Variants in SMAD2 observed in about 807,000 individuals in gnomAD.
SMAD2 encodes the protein SMAD family member 2, also known as MAD homolog 2.
A neutral mutation model predicts 64.4 loss-of-function variants in SMAD2; 8 were observed. The ratio of observed to expected loss-of-function variants is 0.12; its 90% CI spans 0.07 to 0.22. The LOEUF (loss-of-function observed/expected upper bound fraction) is 0.22, where lower values mean the gene tolerates loss of function less well. Among genes scored for constraint, SMAD2 ranks in the 10% least tolerant of loss-of-function variants. The probability of loss-of-function intolerance (pLI) is 1.00; values close to 1 mark genes in which losing one functional copy is unlikely to be tolerated. For synonymous variants in SMAD2, 203 were observed against 195.8 expected, an observed-to-expected ratio of 1.04 and a Z score of -0.31; for missense variants, 289 against 561.2, an observed-to-expected ratio of 0.51 and a Z score of 4.90.
rs1396194033 is a variant in SMAD2 at position 47,850,384 on chromosome 18, ATATAATATATAT to A, written c.784+878_784+889del. ...ATGTATAATATATATTATATATATTATATAATATATATTATATATTATGTATAATATATATAA... is the reference window on the plus strand; with the variant it reads ...ATGTATAATATATATTATATATATTATATATATTATGTATAATATATATAA... On this transcript the variant is annotated intron_variant, in intron 7 of 10. Coordinates refer to ENST00000262160, the MANE Select transcript of SMAD2 (RefSeq NM_005901.6). Among the ~76,000 whole-genome samples the A allele has an allele frequency of 1.3e-3, 29 of 22,176 alleles. 5 individuals carry two copies. Among genetic ancestry groups the A allele is most frequent in the African/African-American group, 1.6e-3 (5 of 3,048 alleles). The allele number at this position is 22,176 out of a possible 152,430, so 14.5% of individuals were successfully genotyped here. A position where few individuals can be genotyped will look rare whatever the true frequency, so the allele number is the denominator to read the frequency against.
chr18:47,869,191 G>T (rs2030518425), intron 4 of SMAD2, 52 bp downstream of exon 4: 1 of 1,321,796 alleles, frequency 7.6e-7, no homozygotes, highest in Non-Finnish European at 1.1e-6. Context: ...TAAATATACT[G>T]AAGTTCAGGC....
intron 1 of SMAD2, among the ~76,000 whole-genome samples, chr18:47,900,084 G>A (rs948408906): frequency 6.6e-6 from 1 of 152,018 alleles, no homozygotes; most frequent in Non-Finnish European, 1.5e-5. Context: ...CTATAAAAAT[G>A]TAATATGAGC....
chr18:47,876,596 C>CT (rs1290561950), intron 2 of SMAD2, among the ~76,000 whole-genome samples: 2 of 151,968 alleles, frequency 1.3e-5, no homozygotes, highest in Non-Finnish European at 2.9e-5. Context: ...TAGCAACTAC[C>CT]TTTGTTGGCA....
chr18:47,870,457 AG>A lies in SMAD2; in HGVS notation c.326+17del. 1 of 1,571,740 alleles carries A rather than the reference AG, an allele frequency of 6.4e-7. No individual in the cohort carries two copies. Among genetic ancestry groups the A allele is most frequent in the South Asian group, 1.1e-5 (1 of 90,188 alleles). On this transcript the variant is annotated intron_variant, in intron 3 of 10. Coordinates refer to ENST00000262160, the MANE Select transcript of SMAD2 (RefSeq NM_005901.6). ...TCCCACAAGATCTCTAAGATTCGAC[AG>A]AGGGCAGAATATTCACCTGGTTTGT...
At chr18:47,849,114 A>G (rs1382928898) in intron 7 of SMAD2, among the ~76,000 whole-genome samples, 1 of 152,204 alleles carries the variant, frequency 6.6e-6, no homozygotes, top group Non-Finnish European at 1.5e-5. Context: ...AAGCCACACA[A>G]AGAAAAACAG....
chr18:47,930,739 GC>G (rs2034983842), upstream of SMAD2: 1 of 146,750 alleles, frequency 6.8e-6, no homozygotes, highest in Non-Finnish European at 1.5e-5. Flanking sequence ...TCCCCCGCCA[GC>G]CCACCTCCGC....
At chr18:47,869,541 A>C in intron 3 of SMAD2, 105 bp from the exon 4 acceptor site, 1 of 795,028 alleles carries the variant, frequency 1.3e-6, no homozygotes, top group Non-Finnish European at 2.0e-6. Context: ...AAAGAAAAGA[A>C]TGACAGCCAT....
intron 1 of SMAD2, among the ~76,000 whole-genome samples, chr18:47,926,750 CATA>C (rs1320150422): frequency 6.6e-6 from 1 of 152,114 alleles, no homozygotes; most frequent in Non-Finnish European, 1.5e-5. Flanking sequence ...ACAATAGGTC[CATA>C]ATAACAGTGT....
Position 47,910,471 on chromosome 18 carries a change from A to G in SMAD2, c.-53-13662T>C, listed in dbSNP as rs2034084330. ...TTACATGGGCACTGAAACTAAAGCAAAAGGTGTAAGGAGGACTGGTACCAC... is the reference window on the plus strand; with the variant it reads ...TTACATGGGCACTGAAACTAAAGCAGAAGGTGTAAGGAGGACTGGTACCAC... On this transcript the variant is annotated intron_variant, in intron 1 of 10. Transcript: ENST00000262160. Among the ~76,000 whole-genome samples, 3 of 152,210 alleles carry G rather than the reference A, an allele frequency of 2.0e-5. No homozygotes were observed. The South Asian group carries it at 6.2e-4, about 32-fold the overall frequency.
intron 8 of SMAD2, 87 bp from the exon 9 acceptor site, chr18:47,845,887 A>G (rs2144291757): frequency 2.5e-6 from 3 of 1,191,170 alleles, no homozygotes. Flanking sequence ...AAATTCTAAA[A>G]TGATATAAGG....
rs976853103 is a variant in SMAD2, at chr18:47,821,657, C to T, written c.*20170G>A. On this transcript the variant is annotated 3_prime_UTR_variant, in exon 11 of 11. Transcript: ENST00000262160. ...TTTCAGTATATCCAAATAGGCTTCC[C>T]ATAAGTAAAGGCAGTCACACTGCAA... The T allele has an allele frequency of 2.0e-5, 3 of 152,168 alleles. No homozygotes were observed. Among genetic ancestry groups the T allele is most frequent in the Non-Finnish European group, 2.9e-5 (2 of 68,040 alleles). 9.4% of individuals were successfully genotyped at this position (152,168 alleles called of 1,614,324 possible). A position where few individuals can be genotyped will look rare whatever the true frequency, so the allele number is the denominator to read the frequency against.
At chr18:47,857,420 CATA>C (rs1427441147) in intron 6 of SMAD2, among the ~76,000 whole-genome samples, 4 of 152,060 alleles carry the variant, frequency 2.6e-5, no homozygotes, top group Admixed American at 6.6e-5. Context: ...TAATTCTGTT[CATA>C]ATGAGAAAAA....
intron 2 of SMAD2, among the ~76,000 whole-genome samples, chr18:47,879,495 CGTGTGTGTGTGTGTGT>C (rs58440360): frequency 2.1e-5 from 3 of 141,340 alleles, no homozygotes; most frequent in Non-Finnish European, 4.6e-5. Flanking sequence ...ATGTATATGA[CGTGTGTGTGTGTGTGT>C]GTGTGTGTGT....
chr18:47,869,433 A>G lies in SMAD2; in HGVS notation c.330T>C (p.Ser110=). 6.2e-7 allele frequency: 1 copy of G among 1,610,090 alleles called. No homozygotes were observed. The highest frequency in any genetic ancestry group is 8.5e-7 in the Non-Finnish European group (1 of 1,177,218). The part of the protein sequence containing the change: ...GLYSFSEQTR[S]LDGRLQVSHR... ...GGGATACCTGGAGACGACCATCAAG[A>G]GACCTGTTGGGAAGCAAGGGGAAAA... Residue 110 remains serine (S), a synonymous_variant, in exon 4 of 11, where the codon TCT becomes TCC. Transcript: ENST00000262160.
chr18:47,857,144 G>A (rs974340980), intron 6 of SMAD2, among the ~76,000 whole-genome samples: 1 of 152,130 alleles, frequency 6.6e-6, no homozygotes, highest in Non-Finnish European at 1.5e-5. Flanking sequence ...TTTTTATAAT[G>A]AACATCCATT....
chr18:47,926,151 G>A (rs1164563191), intron 1 of SMAD2, among the ~76,000 whole-genome samples: 1 of 152,172 alleles, frequency 6.6e-6, no homozygotes, highest in Non-Finnish European at 1.5e-5. Flanking sequence ...CTGTCTGAAT[G>A]GCAAAACAAA....
In SMAD2 at chr18:47,840,771, AC is replaced by A; in HGVS notation, c.*1055del. On this transcript the variant is annotated 3_prime_UTR_variant, in exon 11 of 11. Transcript: ENST00000262160. ...GTCTGCTGTTGAAATATTGTAAAAT[AC>A]CTTTGGAAAAACGGTATTTATAGAT... The A allele has an allele frequency of 4.3e-6, 1 of 231,456 alleles. No individual in the cohort carries two copies. Among genetic ancestry groups the A allele is most frequent in the Non-Finnish European group, 8.5e-6 (1 of 116,964 alleles). The allele number at this position is 231,456 out of a possible 1,614,324, so 14.3% of individuals were successfully genotyped here. A position where few individuals can be genotyped will look rare whatever the true frequency, so the allele number is the denominator to read the frequency against.
rs1464708324 is a variant in SMAD2, at chr18:47,818,063, G to C, written c.*23764C>G. On this transcript the variant is annotated 3_prime_UTR_variant, in exon 11 of 11. Transcript: ENST00000262160. ...CCATCATAGAGATTGTCTATGCTTT[G>C]TCTAAACTCCCCAAGCTTTTTTATT... 1.3e-5 allele frequency: 2 copies of C among 152,166 alleles called. No homozygotes were observed. Among genetic ancestry groups the C allele is most frequent in the African/African-American group, 4.8e-5 (2 of 41,426 alleles). The allele number at this position is 152,166 out of a possible 1,614,324, so 9.4% of individuals were successfully genotyped here.
chr18:47,855,087 T>C (rs566726183), intron 6 of SMAD2, among the ~76,000 whole-genome samples: 6 of 152,322 alleles, frequency 3.9e-5, no homozygotes, highest in South Asian at 4.1e-4. Context: ...ATGTCATATA[T>C]AGTAAGTCTT....
Sources: allele counts gnomAD v4.1 joint callset (sites outside exome capture counted in the v4.1 genomes callset), GRCh38; gene constraint gnomAD v4.1.1; transcripts MANE v1.5; gene names NCBI Gene and HGNC (gene_info 2026-07-23, HGNC 2026-07-21).